BIRC6: variants seen among roughly 807,000 people sequenced by gnomAD.
BIRC6 encodes the protein dual E2 ubiquitin-conjugating enzyme/E3 ubiquitin-protein ligase BIRC6.
In BIRC6, 98 loss-of-function variants were observed where a neutral mutation model predicts 503.3. The ratio of observed to expected loss-of-function variants is 0.19; its 90% CI spans 0.17 to 0.23. The LOEUF is 0.23. BIRC6 is among the 10% of genes least tolerant of loss of function. The pLI is 1.00. For missense variants in BIRC6, 5,360 were observed against 5,806.0 expected, an observed-to-expected ratio of 0.92 and a Z score of 2.50; for synonymous variants, 2,240 against 2,078.7, an observed-to-expected ratio of 1.08 and a Z score of -2.11.
chr2:32,500,598 T>A (rs984758404), intron 46 of BIRC6, among the ~76,000 whole-genome samples: 1 of 117,422 alleles, frequency 8.5e-6, no homozygotes, highest in East Asian at 3.3e-4. Flanking sequence ...TTTTTTGTTT[T>A]TGTTTTTGTT....
At chr2:32,486,771 C>G (rs1045173304) in intron 40 of BIRC6, among the ~76,000 whole-genome samples, 5 of 151,830 alleles carry the variant, frequency 3.3e-5, no homozygotes, top group African/African-American at 1.2e-4. Context: ...TAGAGGGTAT[C>G]AAAAGAAGGG....
intron 44 of BIRC6, among the ~76,000 whole-genome samples, chr2:32,491,769 G>C (rs1166376678): frequency 6.6e-6 from 1 of 152,020 alleles, no homozygotes; most frequent in Non-Finnish European, 1.5e-5. Context: ...AGTGATACTA[G>C]GTTTTCATAT....
At position 32,509,845 on chromosome 2, in the gene BIRC6, C is replaced by T. The variant is rs569695290; in HGVS notation, c.10088C>T (p.Ala3363Val). Reference sequence around the variant, plus strand: ...ACTGCTAATCTGCTGCAGACTTGTGCGGCCTTATTGATGTCACCTTACTGT... The same window carrying T: ...ACTGCTAATCTGCTGCAGACTTGTGTGGCCTTATTGATGTCACCTTACTGT... ...APTANLLQTC[A>V]ALLMSPYCGM... is the part of the protein sequence containing the mutation. The change falls in exon 52 of 74, where the codon GCG becomes GTG. Residue 3363 changes from alanine (A) to valine (V), a missense_variant. Physicochemically the swap from Ala to Val is moderately conservative, Grantham distance 64 (BLOSUM62 0). This residue lies in a region of BIRC6 where 878 missense variants were observed against 928.9 expected (regional missense o/e 0.95). Coordinates refer to ENST00000421745, the MANE Select transcript of BIRC6 (RefSeq NM_016252.4). The T allele has an allele frequency of 4.3e-6, 7 of 1,613,912 alleles. No individual in the cohort carries two copies. Among genetic ancestry groups the T allele is most frequent in the South Asian group, 2.2e-5 (2 of 91,072 alleles).
At chr2:32,457,521 T>A (rs1022423586) in intron 23 of BIRC6, among the ~76,000 whole-genome samples, 1 of 152,154 alleles carries the variant, frequency 6.6e-6, no homozygotes, top group South Asian at 2.1e-4. Context: ...TGTACTCTGA[T>A]TCCAGAAGTA....
rs536239703 is a variant in BIRC6, at chr2:32,469,212, A to C, written c.6128-183A>C. On this transcript the variant is annotated intron_variant, in intron 29 of 73. Coordinates refer to ENST00000421745, the MANE Select transcript of BIRC6 (RefSeq NM_016252.4). Reference sequence around the variant, plus strand: ...AGAAATGTAATTTACTTAAGTGCTAAATATTTTCGTCTCCAAGTATGTAAC... The same window carrying C: ...AGAAATGTAATTTACTTAAGTGCTACATATTTTCGTCTCCAAGTATGTAAC... Among the ~76,000 whole-genome samples, 7 of 152,344 alleles carry C rather than the reference A, an allele frequency of 4.6e-5. No homozygotes were observed. In the South Asian group the frequency reaches 1.2e-3, roughly 27 times the overall value.
At chr2:32,429,124 T>C (rs976548636) in intron 10 of BIRC6, 22 bp from the exon 11 acceptor site, 2 of 1,556,184 alleles carry the variant, frequency 1.3e-6, no homozygotes, top group South Asian at 1.2e-5. Context: ...TTCATGTATC[T>C]ATGAAATTTA....
chr2:32,505,268 TAAA>T, intron 50 of BIRC6, 63 bp downstream of exon 50: 1 of 1,372,148 alleles, frequency 7.3e-7, no homozygotes, highest in South Asian at 1.3e-5. Flanking sequence ...TATTTGAAAA[TAAA>T]AATGTTTAGT....
In BIRC6 at chr2:32,392,777, A is replaced by G. The variant is rs373917017; in HGVS notation, c.951+627A>G. ...GTAGCTGAGACTACAGGTGTGTGCCACTGGGCCTGGCTAACTTTTGCACCA... is the reference window on the plus strand; with the variant it reads ...GTAGCTGAGACTACAGGTGTGTGCCGCTGGGCCTGGCTAACTTTTGCACCA... On this transcript the variant is annotated intron_variant, in intron 5 of 73. Coordinates refer to ENST00000421745, the MANE Select transcript of BIRC6 (RefSeq NM_016252.4). Among the ~76,000 whole-genome samples the G allele has an allele frequency of 5.3e-5, 8 of 150,390 alleles. No individual in the cohort carries two copies. In the East Asian group the frequency reaches 1.6e-3, roughly 29 times the overall value.
At chr2:32,451,194 C>T (rs1350428206) in intron 22 of BIRC6, among the ~76,000 whole-genome samples, 1 of 152,316 alleles carries the variant, frequency 6.6e-6, no homozygotes, top group East Asian at 1.9e-4. Flanking sequence ...GAGTACTTTT[C>T]AGGTCTTCCC....
chr2:32,488,884 T>A (rs1475380468), intron 42 of BIRC6, among the ~76,000 whole-genome samples, 170 bp downstream of exon 42: 1 of 152,210 alleles, frequency 6.6e-6, no homozygotes, highest in East Asian at 1.9e-4. Flanking sequence ...GCAGGAAAGA[T>A]ACAGGGAGAC....
chr2:32,380,060 T>C, intron 2 of BIRC6, 93 bp from the exon 3 acceptor site: 1 of 872,740 alleles, frequency 1.1e-6, no homozygotes, highest in Non-Finnish European at 1.7e-6. Context: ...AATCATTGCA[T>C]ATTAAAATAT....
chr2:32,405,666 G>C (rs2041123962), intron 8 of BIRC6, among the ~76,000 whole-genome samples: 1 of 152,144 alleles, frequency 6.6e-6, no homozygotes, highest in Non-Finnish European at 1.5e-5. Context: ...TTTCCTATAT[G>C]TAAAGGAGTT....
At chr2:32,410,411 A>G (rs1230878963) in intron 9 of BIRC6, among the ~76,000 whole-genome samples, 5 of 152,258 alleles carry the variant, frequency 3.3e-5, no homozygotes, top group Admixed American at 3.3e-4. Context: ...GCTGCATGTG[A>G]CTATAGCCAA....
intron 25 of BIRC6, 52 bp downstream of exon 25, chr2:32,464,875 A>C: frequency 6.5e-7 from 1 of 1,534,734 alleles, no homozygotes; most frequent in Non-Finnish European, 8.7e-7. Flanking sequence ...AATATCTTGA[A>C]ATATACTCTA....
intron 8 of BIRC6, among the ~76,000 whole-genome samples, chr2:32,404,844 T>C (rs1306183668): frequency 1.3e-5 from 2 of 151,878 alleles, no homozygotes; most frequent in African/African-American, 4.8e-5. Flanking sequence ...TATTTTTTTG[T>C]GGAGATGGGG....
intron 16 of BIRC6, among the ~76,000 whole-genome samples, chr2:32,440,981 G>T (rs1032405947): frequency 1.3e-5 from 2 of 151,910 alleles, no homozygotes; most frequent in African/African-American, 2.4e-5. Flanking sequence ...GGCTGTTCTC[G>T]AACTCCTGAG....
chr2:32,442,479 G>T, intron 19 of BIRC6, 24 bp downstream of exon 19: 1 of 1,574,226 alleles, frequency 6.4e-7, no homozygotes, highest in Admixed American at 1.9e-5. Flanking sequence ...TAAGTTGAAA[G>T]CATACTTTCT....
intron 66 of BIRC6, among the ~76,000 whole-genome samples, chr2:32,581,076 C>G (rs570671378): frequency 9.2e-5 from 14 of 152,288 alleles, no homozygotes; most frequent in African/African-American, 3.4e-4. Flanking sequence ...TTGACGGACT[C>G]AGGCAGAAAG....
At position 32,505,460 on chromosome 2, in the gene BIRC6, T is replaced by G. The variant is rs959382646; in HGVS notation, c.9700+255T>G. 3 of 382,594 alleles carry G rather than the reference T, an allele frequency of 7.8e-6. No individual in the cohort carries two copies. The East Asian group carries it at 1.6e-4, about 20-fold the overall frequency. The allele number at this position is 382,594 out of a possible 1,614,324, so 23.7% of individuals were successfully genotyped here. The stretch of plus-strand genomic sequence containing the variant: ...TTATATATTATTTCGCTTTCTCTTT[T>G]CTCTCAAATTTACTAAGCTTCAGTA... On this transcript the variant is annotated intron_variant, in intron 50 of 73. Transcript: ENST00000421745.
Sources: gnomAD v4.1 joint callset for allele counts (sites outside exome capture counted in the v4.1 genomes callset) on GRCh38, gnomAD v4.1.1 for gene constraint, gnomAD v4.1.1 regional missense constraint, MANE v1.5 for transcripts, NCBI Gene and HGNC (gene_info 2026-07-23, HGNC 2026-07-21) for gene names.